The following ZBTB16 variants were observed in gnomAD, a reference collection of about 807,000 sequenced individuals.
ZBTB16 encodes zinc finger and BTB domain-containing protein 16.
A neutral mutation model predicts 56.8 loss-of-function variants in ZBTB16; 8 were observed. That is an observed-to-expected ratio of 0.14 (90% CI 0.08 to 0.25). The LOEUF (loss-of-function observed/expected upper bound fraction) is 0.25. Ranked by LOEUF, ZBTB16 falls within the 10% of genes least tolerant of loss-of-function variation. The pLI is 1.00. For missense variants in ZBTB16, 625 were observed against 903.0 expected, an observed-to-expected ratio of 0.69 and a Z score of 3.95; for synonymous variants, 363 against 368.5, an observed-to-expected ratio of 0.98 and a Z score of 0.17.
chr11:114,088,494 G>A (rs1046167255), intron 2 of ZBTB16, among the ~76,000 whole-genome samples: 2 of 151,996 alleles, frequency 1.3e-5, no homozygotes, highest in African/African-American at 2.4e-5. Context: ...GAAACCCCAC[G>A]TTTTTGTGGG....
At chr11:114,213,911 C>G (rs1944043032) in intron 4 of ZBTB16, among the ~76,000 whole-genome samples, 1 of 152,166 alleles carries the variant, frequency 6.6e-6, no homozygotes, top group Admixed American at 6.5e-5. Context: ...CTGCAGAGTT[C>G]ACACTTGAAC....
intron 2 of ZBTB16, among the ~76,000 whole-genome samples, chr11:114,071,794 A>T (rs573090739): frequency 7.9e-4 from 120 of 152,196 alleles, no homozygotes; most frequent in African/African-American, 2.6e-3. Context: ...TCTGGCAGTT[A>T]TTTAAGTAGT....
chr11:114,118,858 T>C (rs1475072468), intron 2 of ZBTB16, among the ~76,000 whole-genome samples: 1 of 152,226 alleles, frequency 6.6e-6, no homozygotes. Flanking sequence ...TGGTTTTCCC[T>C]GTCTGAAAGT....
intron 2 of ZBTB16, among the ~76,000 whole-genome samples, chr11:114,126,677 C>T (rs1352421757): frequency 1.3e-5 from 2 of 152,132 alleles, no homozygotes; most frequent in East Asian, 1.9e-4. Flanking sequence ...GTCTCTTGAG[C>T]GAGGTTCTGA....
At chr11:114,190,359 C>T (rs1204350661) in intron 4 of ZBTB16, among the ~76,000 whole-genome samples, 1 of 152,188 alleles carries the variant, frequency 6.6e-6, no homozygotes, top group Non-Finnish European at 1.5e-5. Context: ...AACTAACCTA[C>T]TGAACATCAT....
chr11:114,103,342 G>T (rs961951403), intron 2 of ZBTB16, among the ~76,000 whole-genome samples: 1 of 152,200 alleles, frequency 6.6e-6, no homozygotes, highest in South Asian at 2.1e-4. Context: ...TGGGTCATGT[G>T]CAGAGGGAAG....
At chr11:114,218,842 A>C (rs907689959) in intron 4 of ZBTB16, among the ~76,000 whole-genome samples, 3 of 152,236 alleles carry the variant, frequency 2.0e-5, no homozygotes, top group Non-Finnish European at 4.4e-5. Flanking sequence ...TTCAATGATA[A>C]GAATTTAAAA....
At chr11:114,062,548 G>C (rs1938925599) in intron 1 of ZBTB16, among the ~76,000 whole-genome samples, 1 of 152,226 alleles carries the variant, frequency 6.6e-6, no homozygotes. Context: ...TAGTACCTAG[G>C]GATGGGGACA....
Position 114,156,318 on chromosome 11 carries a change from C to A in ZBTB16, c.1269-19C>A. 1 of 1,613,954 alleles carries A rather than the reference C, an allele frequency of 6.2e-7. No individual in the cohort carries two copies. Among genetic ancestry groups the A allele is most frequent in the Non-Finnish European group, 8.5e-7 (1 of 1,179,804 alleles). ...TCCAGCCAGAGCAGCAGCAACCTCT[C>A]TTTTCCTTTCCCTTACAGGAAGCTG... On this transcript the variant is annotated intron_variant, in intron 2 of 6. Transcript: ENST00000335953.
intron 4 of ZBTB16, among the ~76,000 whole-genome samples, chr11:114,216,626 C>T (rs903816911): frequency 2.0e-5 from 3 of 152,166 alleles, no homozygotes; most frequent in Non-Finnish European, 4.4e-5. Context: ...AGGCAGCCTG[C>T]AGCATATACA....
At chr11:114,212,795 TC>T (rs1451553542) in intron 4 of ZBTB16, among the ~76,000 whole-genome samples, 2 of 152,098 alleles carry the variant, frequency 1.3e-5, no homozygotes, top group African/African-American at 4.8e-5. Flanking sequence ...ACCTGGCTTA[TC>T]CCCCCATCCC....
chr11:114,243,895 C>T (rs1340532565), intron 5 of ZBTB16, among the ~76,000 whole-genome samples: 5 of 152,198 alleles, frequency 3.3e-5, no homozygotes, highest in African/African-American at 4.8e-5. Flanking sequence ...GAAAATGTCA[C>T]ATGCTCTTGT....
intron 4 of ZBTB16, among the ~76,000 whole-genome samples, chr11:114,234,597 A>C (rs1944523663): frequency 6.6e-6 from 1 of 152,218 alleles, no homozygotes; most frequent in Non-Finnish European, 1.5e-5. Context: ...AGAACTAAAG[A>C]GAGGGCTCTT....
At chr11:114,095,406 G>T (rs992305341) in intron 2 of ZBTB16, among the ~76,000 whole-genome samples, 1 of 151,662 alleles carries the variant, frequency 6.6e-6, no homozygotes, top group Non-Finnish European at 1.5e-5. Context: ...GACTACAGGC[G>T]CCCGCCACCA....
chr11:114,168,454 C>G (rs1942855358), intron 3 of ZBTB16, among the ~76,000 whole-genome samples: 1 of 152,238 alleles, frequency 6.6e-6, no homozygotes, highest in African/African-American at 2.4e-5. Context: ...TTTATTGAAA[C>G]TTGCTGTGTT....
At chr11:114,167,196 C>A (rs530203727) in intron 3 of ZBTB16, among the ~76,000 whole-genome samples, 1 of 141,932 alleles carries the variant, frequency 7.0e-6, no homozygotes, top group Non-Finnish European at 1.5e-5. Context: ...AGAGGAGCCT[C>A]GGGCCATTAT....
chr11:114,115,618 C>T (rs1415921928), intron 2 of ZBTB16, among the ~76,000 whole-genome samples: 1 of 152,156 alleles, frequency 6.6e-6, no homozygotes, highest in African/African-American at 2.4e-5. Context: ...AGCTTTCCTT[C>T]CCGTCTTTCT....
In ZBTB16 at chr11:114,209,391, G is replaced by A. The variant is rs541642021; in HGVS notation, c.1453+22353G>A. The A allele has an allele frequency of 4.6e-5, 45 of 985,388 alleles. No homozygotes were observed. In the East Asian group the frequency reaches 3.9e-3, roughly 84 times the overall value. The allele number at this position is 985,388 out of a possible 1,614,324, so 61.0% of individuals were successfully genotyped here. A position where few individuals can be genotyped will look rare whatever the true frequency, so the allele number is the denominator to read the frequency against. On this transcript the variant is annotated intron_variant, in intron 4 of 6. Coordinates refer to ENST00000335953, the MANE Select transcript of ZBTB16 (RefSeq NM_006006.6). ...TTCAGGTTAATGGTGTCTGGGATTTGTGGAGGGAGGAAGGATATAAAAGGG... is the reference window on the plus strand; with the variant it reads ...TTCAGGTTAATGGTGTCTGGGATTTATGGAGGGAGGAAGGATATAAAAGGG...
At chr11:114,110,691 A>G (rs2137778030) in intron 2 of ZBTB16, among the ~76,000 whole-genome samples, 1 of 152,320 alleles carries the variant, frequency 6.6e-6, no homozygotes. Flanking sequence ...AGCTGATTTG[A>G]TTTTATAGAT....
Sources: allele counts gnomAD v4.1 joint callset (sites outside exome capture counted in the v4.1 genomes callset), GRCh38; gene constraint gnomAD v4.1.1; transcripts MANE v1.5; gene names NCBI Gene and HGNC (gene_info 2026-07-23, HGNC 2026-07-21).